Variants in TG observed in about 807,000 individuals in gnomAD.
The protein encoded by TG is thyroid hormones.
Under a neutral mutation model 324.7 loss-of-function variants are expected in TG, and 270 were observed. The observed-to-expected ratio is 0.83, with a 90% CI of 0.75 to 0.92. TG has a LOEUF of 0.92. Ranked by LOEUF, TG falls within the 40% of genes least tolerant of loss-of-function variation. The pLI is 0.00. For synonymous variants in TG, 1,401 were observed against 1,327.0 expected (o/e 1.06, Z -1.21); for missense variants, 3,591 against 3,456.4 (o/e 1.04, Z -0.98).
chr8:132,982,504 A>C (rs187322443), intron 34 of TG, among the ~76,000 whole-genome samples: 11 of 152,328 alleles, frequency 7.2e-5, no homozygotes, highest in Non-Finnish European at 1.5e-4. Context: ...TCGTTTTATC[A>C]ATGCTGAAAC....
At chr8:132,955,268 A>G (rs1250244891) in intron 27 of TG, among the ~76,000 whole-genome samples, 1 of 152,192 alleles carries the variant, frequency 6.6e-6, no homozygotes, top group East Asian at 1.9e-4. Flanking sequence ...GTTATTAGCA[A>G]ACAGGCCCAG....
At chr8:133,106,193 T>G (rs1036722281) in intron 43 of TG, among the ~76,000 whole-genome samples, 10 of 152,042 alleles carry the variant, frequency 6.6e-5, no homozygotes, top group African/African-American at 2.4e-4. Context: ...CTCAGAGAGA[T>G]GGAGGGCCCT....
intron 23 of TG, among the ~76,000 whole-genome samples, chr8:132,930,368 G>C (rs1464335327): frequency 5.9e-5 from 9 of 152,192 alleles, no homozygotes; most frequent in African/African-American, 1.2e-4. Context: ...ATGTGTGCGT[G>C]CACTGTGACA....
chr8:133,128,222 A>G (rs1354905584), intron 45 of TG, among the ~76,000 whole-genome samples: 1 of 152,092 alleles, frequency 6.6e-6, no homozygotes, highest in Non-Finnish European at 1.5e-5. Flanking sequence ...GACAGTGCAC[A>G]GCAGGCATTC....
intron 25 of TG, among the ~76,000 whole-genome samples, chr8:132,939,636 T>C (rs1348394960): frequency 6.6e-6 from 1 of 151,888 alleles, no homozygotes; most frequent in Non-Finnish European, 1.5e-5. Context: ...TCATTGTTGT[T>C]CAGCCCTTTT....
chr8:133,038,918 C>G (rs1837604989), intron 41 of TG, among the ~76,000 whole-genome samples: 2 of 152,176 alleles, frequency 1.3e-5, no homozygotes. Flanking sequence ...CGCTCTGTTG[C>G]CCAGGCTGGA....
At position 132,886,951 on chromosome 8, in the gene TG, G is replaced by T; in HGVS notation, c.1579G>T (p.Asp527Tyr). 5.6e-6 allele frequency: 9 copies of T among 1,614,204 alleles called. No homozygotes were observed. Among genetic ancestry groups the T allele is most frequent in the Non-Finnish European group, 7.6e-6 (9 of 1,180,046 alleles). The part of the protein sequence containing the change: ...DLAKPLSVGL[D>Y]SNSSTGTPEA... Reference sequence around the variant, plus strand: ...GGCCAAGCCACTCTCTGTGGGATTAGATTCAAATTCTTCCACAGGAACCCC... The same window carrying T: ...GGCCAAGCCACTCTCTGTGGGATTATATTCAAATTCTTCCACAGGAACCCC... Residue 527 changes from aspartate to tyrosine, a missense_variant, in exon 9 of 48, where the codon GAT (aspartate) becomes TAT (tyrosine). By Grantham distance (160) the Asp-to-Tyr change is radical. Coordinates refer to ENST00000220616, the MANE Select transcript of TG (RefSeq NM_003235.5).
rs1818979769 is a variant in TG, at chr8:132,908,332, C to A, written c.3994C>A (p.Gln1332Lys). The change falls in exon 18 of 48, where the codon CAG becomes AAG. Residue 1332 changes from glutamine to lysine, a missense_variant. Coordinates refer to ENST00000220616, the MANE Select transcript of TG (RefSeq NM_003235.5). ...TGAGCTGACAGCCCGCGGCTTCTGC[C>A]AGATCCAGGTACATGCCTGGCCTTC... ...LDELTARGFC[Q>K]IQVKTFGTLV... is the part of the protein sequence containing the mutation. 2 of 1,554,314 alleles carry A rather than the reference C, an allele frequency of 1.3e-6. No individual in the cohort carries two copies. The highest frequency in any genetic ancestry group is 2.3e-5 in the South Asian group (2 of 88,816).
intron 1 of TG, 47 bp downstream of exon 1, chr8:132,867,114 T>G: frequency 6.5e-7 from 1 of 1,526,822 alleles, no homozygotes; most frequent in Non-Finnish European, 9.0e-7. Flanking sequence ...GGAGCTCCAG[T>G]GTCAGCCAGG....
At chr8:132,942,306 G>A (rs1824558968) in intron 26 of TG, among the ~76,000 whole-genome samples, 1 of 152,208 alleles carries the variant, frequency 6.6e-6, no homozygotes, top group Non-Finnish European at 1.5e-5. Context: ...AGTGCAAAAT[G>A]CTGCGTATAG....
At chr8:133,119,287 C>CA (rs1218174540) in intron 45 of TG, among the ~76,000 whole-genome samples, 3 of 152,034 alleles carry the variant, frequency 2.0e-5, no homozygotes, top group African/African-American at 7.2e-5. Flanking sequence ...TAGCACGCCA[C>CA]AAAAAAATGT....
intron 16 of TG, among the ~76,000 whole-genome samples, chr8:132,902,626 C>T (rs886273478): frequency 4.6e-5 from 7 of 152,140 alleles, no homozygotes; most frequent in African/African-American, 1.4e-4. Flanking sequence ...GTAGGTGCTC[C>T]GTGGATATGT....
intron 41 of TG, among the ~76,000 whole-genome samples, chr8:133,091,639 T>C (rs1847550637): frequency 6.6e-6 from 1 of 152,026 alleles, no homozygotes. Flanking sequence ...TATGTGTGTG[T>C]ATCTTTGAGT....
chr8:133,029,024 C>T (rs1836369431), intron 40 of TG, among the ~76,000 whole-genome samples: 1 of 151,884 alleles, frequency 6.6e-6, no homozygotes, highest in Admixed American at 6.6e-5. Context: ...TTCCTTAGTG[C>T]AAAGTCAGAA....
At chr8:132,932,132 G>GC (rs996687398) in intron 23 of TG, among the ~76,000 whole-genome samples, 11 of 151,896 alleles carry the variant, frequency 7.2e-5, no homozygotes, top group African/African-American at 2.7e-4. Context: ...TTTGGGGGGG[G>GC]TGTTCTGAAT....
intron 26 of TG, among the ~76,000 whole-genome samples, chr8:132,945,461 T>G (rs1825114418): frequency 6.6e-6 from 1 of 152,136 alleles, no homozygotes; most frequent in African/African-American, 2.4e-5. Flanking sequence ...AGGCCGTGGG[T>G]CCATGTGGGG....
chr8:132,932,133 T>G (rs1271423235), intron 23 of TG, among the ~76,000 whole-genome samples: 3 of 150,320 alleles, frequency 2.0e-5, no homozygotes, highest in Non-Finnish European at 4.4e-5. Flanking sequence ...TTGGGGGGGG[T>G]GTTCTGAATA....
At chr8:133,123,843 G>A (rs965719851) in intron 45 of TG, among the ~76,000 whole-genome samples, 1 of 152,200 alleles carries the variant, frequency 6.6e-6, no homozygotes, top group Non-Finnish European at 1.5e-5. Flanking sequence ...TTAAGAGTTG[G>A]TTTTCTCATC....
At chr8:132,971,573 T>C (rs1293167531) in intron 32 of TG, among the ~76,000 whole-genome samples, 2 of 152,222 alleles carry the variant, frequency 1.3e-5, no homozygotes, top group African/African-American at 2.4e-5. Flanking sequence ...AAATGATTAA[T>C]GGCAGGACAG....
Sources: allele counts gnomAD v4.1 joint callset (sites outside exome capture counted in the v4.1 genomes callset), GRCh38; gene constraint gnomAD v4.1.1; transcripts MANE v1.5; gene names NCBI Gene and HGNC (gene_info 2026-07-23, HGNC 2026-07-21).